Variants in TMEM132C observed in about 807,000 individuals in gnomAD.
TMEM132C encodes the protein transmembrane protein 132C.
A neutral mutation model predicts 61.4 loss-of-function variants in TMEM132C; 29 were observed. That is an observed-to-expected ratio of 0.47 (90% CI 0.35 to 0.64). TMEM132C has a LOEUF of 0.64. Among genes scored for constraint, TMEM132C ranks in the 30% least tolerant of loss-of-function variants. The pLI is 0.00. For synonymous variants in TMEM132C, 656 were observed against 633.1 expected (o/e 1.04, Z -0.54); for missense variants, 1,408 against 1,476.9 (o/e 0.95, Z 0.76).
chr12:128,636,405 T>C (rs1954103947), intron 4 of TMEM132C, among the ~76,000 whole-genome samples: 1 of 152,158 alleles, frequency 6.6e-6, no homozygotes, highest in East Asian at 1.9e-4. Flanking sequence ...GTATCAAAAA[T>C]CTGCACATGT....
chr12:128,491,446 T>C (rs1011106329), intron 2 of TMEM132C, among the ~76,000 whole-genome samples: 3 of 152,210 alleles, frequency 2.0e-5, no homozygotes, highest in Non-Finnish European at 2.9e-5. Flanking sequence ...TTGTGCCCAA[T>C]GGAGCGAGAG....
intron 1 of TMEM132C, among the ~76,000 whole-genome samples, chr12:128,271,424 T>A (rs1445103375): frequency 6.6e-6 from 1 of 152,098 alleles, no homozygotes; most frequent in Non-Finnish European, 1.5e-5. Flanking sequence ...TATCTGTCCA[T>A]TATAAAAAAG....
At chr12:128,507,148 T>A (rs1232471328) in intron 2 of TMEM132C, among the ~76,000 whole-genome samples, 1 of 152,166 alleles carries the variant, frequency 6.6e-6, no homozygotes, top group African/African-American at 2.4e-5. Flanking sequence ...GAGTTGGGTT[T>A]CTGCTGCTTA....
chr12:128,569,086 A>G (rs922847233), intron 3 of TMEM132C, among the ~76,000 whole-genome samples: 2 of 152,162 alleles, frequency 1.3e-5, no homozygotes, highest in Non-Finnish European at 2.9e-5. Context: ...ATACTGAAGC[A>G]GGTGAGCGGG....
chr12:128,503,233 A>G lies in TMEM132C; in HGVS notation c.975-40724A>G, dbSNP rs562911080. ...TGTCACATCTGGAGATACATTATCT[A>G]TGCATGGGGCTTTCGGAGTTCATCT... On this transcript the variant is annotated intron_variant, in intron 2 of 8. Transcript: ENST00000435159. Among the ~76,000 whole-genome samples, 43 of 152,370 alleles carry G rather than the reference A, an allele frequency of 2.8e-4. 1 individual carries two copies. Among genetic ancestry groups the G allele is most frequent in the Middle Eastern group, 3.4e-3 (1 of 294 alleles).
intron 1 of TMEM132C, among the ~76,000 whole-genome samples, chr12:128,404,024 C>G (rs562812731): frequency 1.3e-5 from 2 of 152,230 alleles, no homozygotes; most frequent in Admixed American, 6.5e-5. Context: ...ATCCCTGGCT[C>G]CTACCGACTA....
intron 4 of TMEM132C, among the ~76,000 whole-genome samples, chr12:128,665,087 T>A (rs1593140408): frequency 6.9e-6 from 1 of 144,436 alleles, no homozygotes; most frequent in Non-Finnish European, 1.5e-5. Flanking sequence ...ACACAGGCAC[T>A]CACACATACA....
intron 1 of TMEM132C, among the ~76,000 whole-genome samples, chr12:128,365,046 C>T (rs1383682217): frequency 6.6e-6 from 1 of 152,168 alleles, no homozygotes; most frequent in Admixed American, 6.5e-5. Flanking sequence ...TCCTTAACAA[C>T]CAGTGATGGA....
At chr12:128,351,259 A>T (rs918139054) in intron 1 of TMEM132C, among the ~76,000 whole-genome samples, 1 of 152,174 alleles carries the variant, frequency 6.6e-6, no homozygotes, top group Non-Finnish European at 1.5e-5. Context: ...TCTGTGTACT[A>T]TAAGGAGACT....
chr12:128,511,249 G>A (rs1872556502), intron 2 of TMEM132C, among the ~76,000 whole-genome samples: 1 of 152,212 alleles, frequency 6.6e-6, no homozygotes, highest in Non-Finnish European at 1.5e-5. Context: ...CTGTCATTCG[G>A]CCAGCAGGTA....
At chr12:128,591,280 C>T (rs368342836) in intron 3 of TMEM132C, among the ~76,000 whole-genome samples, 9 of 152,164 alleles carry the variant, frequency 5.9e-5, no homozygotes, top group Middle Eastern at 6.8e-3. Flanking sequence ...CTCCCCGCCT[C>T]CCCCAGCCCC....
chr12:128,460,576 C>T (rs756400934), intron 2 of TMEM132C, among the ~76,000 whole-genome samples: 1 of 152,070 alleles, frequency 6.6e-6, no homozygotes, highest in East Asian at 1.9e-4. Flanking sequence ...CGGTGCCACT[C>T]ATTGCCACCC....
chr12:128,475,380 T>G (rs942284862), intron 2 of TMEM132C, among the ~76,000 whole-genome samples: 5 of 152,122 alleles, frequency 3.3e-5, no homozygotes, highest in Non-Finnish European at 7.4e-5. Context: ...AGAGAACAGA[T>G]TAGCAGTTGC....
chr12:128,351,558 G>A (rs1346237174), intron 1 of TMEM132C, among the ~76,000 whole-genome samples: 1 of 152,198 alleles, frequency 6.6e-6, no homozygotes. Flanking sequence ...TCTGCAGGCT[G>A]TACAGGAAAT....
rs115153188 is a variant in TMEM132C, at chr12:128,643,630, G to A, written c.1306-25787G>A. Among the ~76,000 whole-genome samples the A allele has an allele frequency of 5.6e-3, 856 of 152,210 alleles. 10 individuals are homozygous for A. Among genetic ancestry groups the A allele is most frequent in the African/African-American group, 0.019 (804 of 41,536 alleles). ...GATTTTTAAAAATCCATTTTTACAG[G>A]GAAATTTGGGAGGAGAGAGAAGTAC... is the stretch of plus-strand genomic sequence containing the variant. On this transcript the variant is annotated intron_variant, in intron 4 of 8. Coordinates refer to ENST00000435159, the MANE Select transcript of TMEM132C (RefSeq NM_001136103.3).
chr12:128,503,960 CT>C (rs746971688), intron 2 of TMEM132C, among the ~76,000 whole-genome samples: 1 of 152,330 alleles, frequency 6.6e-6, no homozygotes, highest in East Asian at 1.9e-4. Flanking sequence ...CCCATGAACC[CT>C]TTTGCAGTTG....
At chr12:128,401,761 C>T (rs760143229) in intron 1 of TMEM132C, among the ~76,000 whole-genome samples, 7 of 152,090 alleles carry the variant, frequency 4.6e-5, no homozygotes, top group African/African-American at 9.7e-5. Flanking sequence ...AGTGGGGCAG[C>T]GTCATGCAGA....
intron 1 of TMEM132C, among the ~76,000 whole-genome samples, chr12:128,318,951 C>T (rs1160500992): frequency 6.6e-6 from 1 of 152,168 alleles, no homozygotes; most frequent in Non-Finnish European, 1.5e-5. Context: ...AAAACACTTC[C>T]CCCCAGACCT....
chr12:128,486,082 A>G (rs145237475), intron 2 of TMEM132C, among the ~76,000 whole-genome samples: 59 of 152,316 alleles, frequency 3.9e-4, no homozygotes, highest in African/African-American at 1.2e-3. Flanking sequence ...TGACAATGCA[A>G]TAATTCACAG....
Sources: allele counts gnomAD v4.1 joint callset (sites outside exome capture counted in the v4.1 genomes callset), GRCh38; gene constraint gnomAD v4.1.1; transcripts MANE v1.5; gene names NCBI Gene and HGNC (gene_info 2026-07-23, HGNC 2026-07-21).